Variants in TXNDC15 observed in about 807,000 individuals in gnomAD.
TXNDC15 encodes the protein thioredoxin domain containing 15.
A neutral mutation model predicts 35.0 loss-of-function variants in TXNDC15; 24 were observed. The observed-to-expected ratio is 0.68, with a 90% CI of 0.50 to 0.96. The LOEUF is 0.96. Ranked by LOEUF, TXNDC15 falls within the 40% of genes least tolerant of loss-of-function variation. The pLI is 0.00. For missense variants in TXNDC15, 385 were observed against 453.3 expected, an observed-to-expected ratio of 0.85 and a Z score of 1.37; for synonymous variants, 169 against 174.0, an observed-to-expected ratio of 0.97 and a Z score of 0.23.
chr5:134,880,853 T>C (rs1345292341), intron 1 of TXNDC15, among the ~76,000 whole-genome samples: 1 of 152,190 alleles, frequency 6.6e-6, no homozygotes, highest in Non-Finnish European at 1.5e-5. Context: ...GTTTTGTTTT[T>C]TTTCCTCTGG....
chr5:134,884,565 TTTTA>T (rs1318446847), intron 1 of TXNDC15, among the ~76,000 whole-genome samples: 5 of 151,494 alleles, frequency 3.3e-5, no homozygotes, highest in Non-Finnish European at 5.9e-5. Flanking sequence ...TTGTTTTTAT[TTTTA>T]TTTAGTTATT....
upstream of TXNDC15, chr5:134,874,026 T>G (rs1358308794): frequency 1.2e-5 from 2 of 164,996 alleles, no homozygotes; most frequent in African/African-American, 4.8e-5. Context: ...GATGGGACAC[T>G]AGAACAGGAA....
intron 4 of TXNDC15, among the ~76,000 whole-genome samples, chr5:134,897,328 AC>A (rs1306518530): frequency 1.3e-5 from 2 of 151,854 alleles, no homozygotes; most frequent in African/African-American, 4.8e-5. Context: ...GTTCACTGCA[AC>A]CTCTGCCTCC....
At chr5:134,875,038 T>C in intron 1 of TXNDC15, 1 of 427,510 alleles carries the variant, frequency 2.3e-6, no homozygotes, top group South Asian at 1.6e-5. Flanking sequence ...GCGCTTCTGA[T>C]ACGTGGCAGA....
At chr5:134,897,028 G>A (rs1266754387) in intron 4 of TXNDC15, among the ~76,000 whole-genome samples, 1 of 151,856 alleles carries the variant, frequency 6.6e-6, no homozygotes, top group African/African-American at 2.4e-5. Context: ...TTCAGCCTCC[G>A]CCTCCTAGGT....
intron 1 of TXNDC15, among the ~76,000 whole-genome samples, chr5:134,884,262 T>C (rs866323164): frequency 6.6e-6 from 1 of 151,216 alleles, no homozygotes; most frequent in Admixed American, 6.6e-5. Flanking sequence ...TTTTTTTTTT[T>C]CCCGAGACAG....
chr5:134,882,978 T>C (rs1021448547), intron 1 of TXNDC15, among the ~76,000 whole-genome samples: 2 of 152,244 alleles, frequency 1.3e-5, no homozygotes, highest in Non-Finnish European at 2.9e-5. Context: ...TTGTAGTTAT[T>C]ATAATTTACG....
chr5:134,877,922 G>A (rs972634863), intron 1 of TXNDC15, among the ~76,000 whole-genome samples: 7 of 152,030 alleles, frequency 4.6e-5, no homozygotes, highest in African/African-American at 1.5e-4. Context: ...ACAGGCACCC[G>A]TCACTACACC....
At chr5:134,874,323 C>A, upstream of TXNDC15, 2 of 930,814 alleles carry the variant, frequency 2.1e-6, no homozygotes, top group Non-Finnish European at 3.0e-6. Flanking sequence ...GTTAAGATGG[C>A]GGCGCGGGGC....
At chr5:134,887,208 G>A (rs1450612719) in intron 1 of TXNDC15, among the ~76,000 whole-genome samples, 2 of 151,914 alleles carry the variant, frequency 1.3e-5, no homozygotes, top group Admixed American at 6.6e-5. Context: ...TTTTTGAGAC[G>A]GAGTCTTGCT....
At chr5:134,879,761 A>C (rs1206941284) in intron 1 of TXNDC15, among the ~76,000 whole-genome samples, 1 of 150,120 alleles carries the variant, frequency 6.7e-6, no homozygotes, top group Non-Finnish European at 1.5e-5. Flanking sequence ...TGTCCTATGT[A>C]ACCTCCATTG....
intron 2 of TXNDC15, 142 bp downstream of exon 2, chr5:134,888,324 C>A: frequency 1.2e-6 from 1 of 868,852 alleles, no homozygotes; most frequent in Non-Finnish European, 1.7e-6. Flanking sequence ...CAGTGAAAAT[C>A]AACTTTGCCC....
chr5:134,894,369 C>CTTTTTTTTTTTT, intron 3 of TXNDC15, among the ~76,000 whole-genome samples: 1 of 131,402 alleles, frequency 7.6e-6, no homozygotes, highest in Non-Finnish European at 1.7e-5. Flanking sequence ...TTTTTTTTTT[C>CTTTTTTTTTTTT]TTTTTTTTTT....
In TXNDC15 at chr5:134,874,420, C is replaced by T. The variant is rs200167739; in HGVS notation, c.-8C>T. Reference sequence around the variant, plus strand: ...TAGCCGTGCGCCGATTGCCTCTCGGCCTGGGCAATGGTCCCGGCTGCCGGT... The same window carrying T: ...TAGCCGTGCGCCGATTGCCTCTCGGTCTGGGCAATGGTCCCGGCTGCCGGT... On this transcript the variant is annotated 5_prime_UTR_variant, in exon 1 of 5. Transcript: ENST00000358387. 6.3e-6 allele frequency: 10 copies of T among 1,593,658 alleles called. No individual in the cohort carries two copies. In the East Asian group the frequency reaches 2.1e-4, roughly 33 times the overall value.
intron 3 of TXNDC15, among the ~76,000 whole-genome samples, chr5:134,895,762 A>G (rs928009597): frequency 1.3e-5 from 2 of 152,188 alleles, no homozygotes; most frequent in African/African-American, 2.4e-5. Flanking sequence ...ACTAGTCTGT[A>G]TTATGTAAAG....
chr5:134,883,587 C>CAAAAAA (rs60114636), intron 1 of TXNDC15, among the ~76,000 whole-genome samples: 11 of 65,350 alleles, frequency 1.7e-4, no homozygotes, highest in South Asian at 6.1e-4. Context: ...GACCCTGTCT[C>CAAAAAA]AAAAAAAAAA....
At position 134,893,560 on chromosome 5, in the gene TXNDC15, C is replaced by T. The variant is rs752408793; in HGVS notation, c.660C>T (p.Cys220=). ...TAGTCCTGTTTTACACCCCGTGGTG[C>T]CGCTTTTCTGCCAGTTTGGCCCCTC... ...CTLVLFYTPW[C]RFSASLAPHF... Residue 220 remains cysteine (C), a synonymous_variant, in exon 3 of 5, where the codon TGC becomes TGT. Coordinates refer to ENST00000358387, the MANE Select transcript of TXNDC15 (RefSeq NM_024715.4). 2 of 1,614,182 alleles carry T rather than the reference C, an allele frequency of 1.2e-6. No individual in the cohort carries two copies. Among genetic ancestry groups the T allele is most frequent in the South Asian group, 1.1e-5 (1 of 91,086 alleles).
chr5:134,887,550 TG>T, intron 1 of TXNDC15, 144 bp from the exon 2 acceptor site: 2 of 985,692 alleles, frequency 2.0e-6, no homozygotes, highest in Non-Finnish European at 2.9e-6. Flanking sequence ...ACCTGGGAAA[TG>T]GTGAGTAGCT....
intron 1 of TXNDC15, among the ~76,000 whole-genome samples, chr5:134,881,625 C>G (rs1253834653): frequency 7.2e-6 from 1 of 138,296 alleles, no homozygotes; most frequent in Admixed American, 7.3e-5. Context: ...ATTTCTCAAT[C>G]TTTTCCCCAC....
Sources: gnomAD v4.1 joint callset for allele counts (sites outside exome capture counted in the v4.1 genomes callset) on GRCh38, gnomAD v4.1.1 for gene constraint, MANE v1.5 for transcripts, NCBI Gene and HGNC (gene_info 2026-07-23, HGNC 2026-07-21) for gene names.